Variants in EHMT1 observed in about 807,000 individuals in gnomAD.
EHMT1 encodes euchromatic histone lysine methyltransferase 1.
A neutral mutation model predicts 147.2 loss-of-function variants in EHMT1; 15 were observed. The observed-to-expected ratio is 0.10, with a 90% confidence interval of 0.07 to 0.16. The LOEUF (loss-of-function observed/expected upper bound fraction) is 0.16. Ranked by LOEUF, EHMT1 falls within the 10% of genes least tolerant of loss-of-function variation. EHMT1 has a pLI of 1.00. For synonymous variants in EHMT1, 795 were observed against 709.6 expected (o/e 1.12, Z -1.91); for missense variants, 1,587 against 1,772.4 (o/e 0.90, Z 1.88).
At chr9:137,699,674 CA>C (rs34626207) in intron 1 of EHMT1, among the ~76,000 whole-genome samples, 32,336 of 129,830 alleles carry the variant, frequency 0.25, 4,768 homozygotes, top group African/African-American at 0.45. Context: ...GACTCTGTCT[CA>C]AAAAAAAAAA....
At chr9:137,723,800 A>G (rs147458487) in intron 3 of EHMT1, among the ~76,000 whole-genome samples, 11 of 152,356 alleles carry the variant, frequency 7.2e-5, no homozygotes, top group African/African-American at 2.4e-4. Flanking sequence ...AATAAATCCA[A>G]TATTCTCATA....
intron 1 of EHMT1, among the ~76,000 whole-genome samples, chr9:137,652,434 T>C (rs1321743796): frequency 6.6e-6 from 1 of 152,138 alleles, no homozygotes; most frequent in African/African-American, 2.4e-5. Flanking sequence ...TCTCCCAGGC[T>C]GGAGTGCAGT....
At chr9:137,652,616 C>T (rs1244989399) in intron 1 of EHMT1, among the ~76,000 whole-genome samples, 2 of 147,774 alleles carry the variant, frequency 1.4e-5, no homozygotes, top group Non-Finnish European at 3.0e-5. Context: ...GAACTCCTGA[C>T]CTCAGGTGAT....
Position 137,777,906 on chromosome 9 carries a change from GGAC to G in EHMT1, c.2047_2049del (p.Asp683del), listed in dbSNP as rs760837056. 1.9e-6 allele frequency: 3 copies of G among 1,613,610 alleles called. No homozygotes were observed. Among genetic ancestry groups the G allele is most frequent in the South Asian group, 1.1e-5 (1 of 91,066 alleles). ...GTGCTGCCGGGCCACCACTCTCGGA[GGAC>G]GACAAGCTGCAGGGTGCAGCCTCCC... On this transcript the variant is annotated inframe_deletion, in exon 13 of 27. Transcript: ENST00000460843.
At chr9:137,622,137 G>C (rs1842976718) in intron 1 of EHMT1, among the ~76,000 whole-genome samples, 1 of 114,946 alleles carries the variant, frequency 8.7e-6, no homozygotes, top group Non-Finnish European at 1.6e-5. Context: ...TTTTCTTTTT[G>C]AGAATGAGTC....
intron 10 of EHMT1, among the ~76,000 whole-genome samples, chr9:137,766,608 C>T (rs983341194): frequency 6.6e-6 from 1 of 152,126 alleles, no homozygotes; most frequent in South Asian, 2.1e-4. Flanking sequence ...GAGTGAGACT[C>T]CGTCACAAAA....
chr9:137,668,581 A>G (rs111862925), intron 1 of EHMT1, among the ~76,000 whole-genome samples: 7 of 152,280 alleles, frequency 4.6e-5, no homozygotes, highest in African/African-American at 1.4e-4. Context: ...ATCATCCTGA[A>G]AAGAAACCTT....
chr9:137,636,475 G>A lies in EHMT1; in HGVS notation c.21+17426G>A, dbSNP rs547916209. ...AGCTGACATTCCCATCTTCATTCCT[G>A]TTTTTAGAGGAAAGCTTTTAGTTTT... On this transcript the variant is annotated intron_variant, in intron 1 of 26. Coordinates refer to ENST00000460843, the MANE Select transcript of EHMT1 (RefSeq NM_024757.5). Among the ~76,000 whole-genome samples, 205 of 152,104 alleles carry A rather than the reference G, an allele frequency of 1.3e-3. 1 individual carries two copies. Among genetic ancestry groups the A allele is most frequent in the East Asian group, 2.7e-3 (14 of 5,178 alleles).
chr9:137,622,567 T>C (rs1288662080), intron 1 of EHMT1, among the ~76,000 whole-genome samples: 1 of 152,270 alleles, frequency 6.6e-6, no homozygotes, highest in East Asian at 1.9e-4. Flanking sequence ...GGTGAATTAG[T>C]GTAAGATTTA....
intron 1 of EHMT1, among the ~76,000 whole-genome samples, chr9:137,697,903 C>T (rs1292916982): frequency 6.6e-6 from 1 of 152,200 alleles, no homozygotes; most frequent in Non-Finnish European, 1.5e-5. Context: ...ATTGCATATT[C>T]TGGTCCAAAG....
At chr9:137,822,895 G>GAAAAA (rs112878891) in intron 25 of EHMT1, among the ~76,000 whole-genome samples, 27 of 128,106 alleles carry the variant, frequency 2.1e-4, no homozygotes, top group African/African-American at 7.2e-4. Flanking sequence ...ACTTCATCTC[G>GAAAAA]AAAAAAAAAA....
intron 1 of EHMT1, among the ~76,000 whole-genome samples, chr9:137,699,438 C>T (rs1285801317): frequency 2.0e-5 from 3 of 152,044 alleles, no homozygotes; most frequent in Admixed American, 6.6e-5. Context: ...TTTGGGAGGC[C>T]GAAGTGGGCA....
At chr9:137,756,105 C>T (rs1949356718) in intron 8 of EHMT1, among the ~76,000 whole-genome samples, 1 of 152,226 alleles carries the variant, frequency 6.6e-6, no homozygotes, top group Non-Finnish European at 1.5e-5. Context: ...CTTTTGTGCT[C>T]TAAGAAATCT....
In EHMT1 at chr9:137,782,804, G is replaced by GGGTATGTTGTGTCTGTCGTTA. The variant is rs545207293; in HGVS notation, c.2382+408_2382+428dup. 1.4e-4 allele frequency among the ~76,000 whole-genome samples: 21 copies of GGGTATGTTGTGTCTGTCGTTA among 152,336 alleles called. No individual in the cohort carries two copies. The East Asian group carries it at 2.5e-3, about 18-fold the overall frequency. ...TTCAAGCTGAACCACGTCGTCTACAGGGTATGTTGTGTCTGTCGTTAATCA... is the reference window on the plus strand; with the variant it reads ...TTCAAGCTGAACCACGTCGTCTACAGGGTATGTTGTGTCTGTCGTTAGGTATGTTGTGTCTGTCGTTAATCA... On this transcript the variant is annotated intron_variant, in intron 15 of 26. Transcript: ENST00000460843. This position sits in a 1 kb window ranked among gnomAD's most constrained non-coding sequence, Gnocchi z 5.7.
intron 9 of EHMT1, among the ~76,000 whole-genome samples, chr9:137,759,112 G>A (rs1949608424): frequency 6.6e-6 from 1 of 151,838 alleles, no homozygotes. Context: ...GGGCGACAGC[G>A]AGACTCCGTC....
intron 1 of EHMT1, among the ~76,000 whole-genome samples, chr9:137,645,685 A>G (rs1051663758): frequency 1.3e-5 from 2 of 152,080 alleles, no homozygotes; most frequent in Non-Finnish European, 2.9e-5. Context: ...TCCAAATGGA[A>G]TCTTAGAGAA....
intron 1 of EHMT1, among the ~76,000 whole-genome samples, chr9:137,631,037 A>T (rs924357446): frequency 3.9e-5 from 6 of 152,120 alleles, no homozygotes; most frequent in African/African-American, 1.4e-4. Context: ...TAGTCATGAT[A>T]TAGGTGTTTA....
chr9:137,826,172 C>T (rs1164925524), intron 25 of EHMT1, among the ~76,000 whole-genome samples: 1 of 151,984 alleles, frequency 6.6e-6, no homozygotes, highest in Non-Finnish European at 1.5e-5. Flanking sequence ...GCGGTGTGTT[C>T]CTGTTTCTGT....
At chr9:137,692,527 A>T (rs573941020) in intron 1 of EHMT1, among the ~76,000 whole-genome samples, 69 of 151,960 alleles carry the variant, frequency 4.5e-4, no homozygotes, top group Non-Finnish European at 7.2e-4. Flanking sequence ...CAGCCTCCCA[A>T]AGTGCTGGTA....
Sources: gnomAD v4.1 joint callset for allele counts (sites outside exome capture counted in the v4.1 genomes callset) on GRCh38, gnomAD v4.1.1 for gene constraint, Gnocchi (gnomAD v3.1) non-coding constraint, MANE v1.5 for transcripts, NCBI Gene and HGNC (gene_info 2026-07-23, HGNC 2026-07-21) for gene names.